The following ATAD1 variants were observed in gnomAD, a reference collection of about 807,000 sequenced individuals.
ATAD1 encodes the protein outer mitochondrial transmembrane helix translocase.
A neutral mutation model predicts 42.7 loss-of-function variants in ATAD1; 18 were observed. The ratio of observed to expected loss-of-function variants is 0.42; its 90% CI spans 0.29 to 0.63. The LOEUF (loss-of-function observed/expected upper bound fraction) is 0.63, where lower values mean the gene tolerates loss of function less well. ATAD1 is among the 20% of genes least tolerant of loss of function. The probability of loss-of-function intolerance (pLI) is 0.19; values close to 1 mark genes in which losing one functional copy is unlikely to be tolerated. For missense variants in ATAD1, 294 were observed against 440.4 expected (o/e 0.67, Z 2.98); for synonymous variants, 132 against 143.1 (o/e 0.92, Z 0.55).
rs1855314066 is a variant in ATAD1 at position 87,776,542 on chromosome 10, C to CA, written c.584-116dup. 3 of 724,538 alleles carry CA rather than the reference C, an allele frequency of 4.1e-6. No homozygotes were observed. The Admixed American group carries it at 7.5e-5, about 18-fold the overall frequency. 44.9% of individuals were successfully genotyped at this position (724,538 alleles called of 1,614,324 possible). ...GGGGTGCAATGGCGCAATTACAGCA[C>CA]ATTGCAACCTCGAACTCCCAGGCTT... On this transcript the variant is annotated intron_variant, in intron 5 of 9. Transcript: ENST00000680024.
chr10:87,758,519 G>T (rs1187315581), intron 8 of ATAD1, among the ~76,000 whole-genome samples: 2 of 151,986 alleles, frequency 1.3e-5, no homozygotes, highest in African/African-American at 2.4e-5. Context: ...GCTGGTAAAA[G>T]ATTTTATACA....
At chr10:87,829,448 G>T (rs1191164260) in intron 1 of ATAD1, among the ~76,000 whole-genome samples, 1 of 151,952 alleles carries the variant, frequency 6.6e-6, no homozygotes, top group African/African-American at 2.4e-5. Flanking sequence ...TAGAGACAGG[G>T]TTTCACCATG....
chr10:87,823,079 A>G (rs1430158666), upstream of ATAD1, among the ~76,000 whole-genome samples: 1 of 151,806 alleles, frequency 6.6e-6, no homozygotes, highest in Admixed American at 6.6e-5. Flanking sequence ...CATTCTGTAA[A>G]AAGAAGAGAA....
At chr10:87,828,124 A>AT (rs373710412) in intron 1 of ATAD1, among the ~76,000 whole-genome samples, 50 of 146,906 alleles carry the variant, frequency 3.4e-4, no homozygotes, top group East Asian at 7.9e-4. Flanking sequence ...AGCCTGGCTA[A>AT]TTTTTTTTTT....
chr10:87,762,125 T>G (rs1854510550), intron 8 of ATAD1, among the ~76,000 whole-genome samples: 1 of 152,172 alleles, frequency 6.6e-6, no homozygotes, highest in South Asian at 2.1e-4. Context: ...GGGCTTAAAT[T>G]TCATCACTTG....
intron 8 of ATAD1, among the ~76,000 whole-genome samples, chr10:87,757,349 T>C (rs949933322): frequency 6.6e-6 from 1 of 152,118 alleles, no homozygotes; most frequent in Non-Finnish European, 1.5e-5. Context: ...AACATGAATT[T>C]AGCACCTATA....
chr10:87,828,088 G>C (rs1253410764), intron 1 of ATAD1, among the ~76,000 whole-genome samples: 1 of 151,860 alleles, frequency 6.6e-6, no homozygotes, highest in Non-Finnish European at 1.5e-5. Flanking sequence ...CTCCCAAGTA[G>C]CTTGTACTAC....
chr10:87,775,420 C>CAAA (rs35200026), intron 6 of ATAD1, among the ~76,000 whole-genome samples: 48 of 23,748 alleles, frequency 2.0e-3, no homozygotes, highest in African/African-American at 2.3e-3. Flanking sequence ...GACTCCATCT[C>CAAA]AAAAAAAAAA....
In ATAD1 at chr10:87,753,264, T is replaced by C. The variant is rs1467180277; in HGVS notation, c.*1423A>G. Reference sequence around the variant, plus strand: ...TAACTTGCTTTTTGTTATCCATTGTTCACCTGAAACTTCCACCCCACCATT... The same window carrying C: ...TAACTTGCTTTTTGTTATCCATTGTCCACCTGAAACTTCCACCCCACCATT... On this transcript the variant is annotated 3_prime_UTR_variant, in exon 10 of 10. Coordinates refer to ENST00000680024, the MANE Select transcript of ATAD1 (RefSeq NM_001321967.2). 6.6e-6 allele frequency: 1 copy of C among 152,168 alleles called. No homozygotes were observed. The highest frequency in any genetic ancestry group is 1.9e-4 in the East Asian group (1 of 5,202). 9.4% of individuals were successfully genotyped at this position (152,168 alleles called of 1,614,324 possible).
At chr10:87,777,286 C>T (rs997489697) in intron 5 of ATAD1, among the ~76,000 whole-genome samples, 3 of 151,618 alleles carry the variant, frequency 2.0e-5, no homozygotes, top group Admixed American at 1.3e-4. Flanking sequence ...TAAATAAAAA[C>T]GACATGGAAA....
At chr10:87,795,208 C>T (rs1315706172) in intron 2 of ATAD1, among the ~76,000 whole-genome samples, 2 of 152,066 alleles carry the variant, frequency 1.3e-5, no homozygotes, top group African/African-American at 4.8e-5. Flanking sequence ...AACACTAATA[C>T]TCTTCATTTG....
In ATAD1 at chr10:87,833,235, A is replaced by T. The variant is rs936239137; in HGVS notation, c.-14+7952T>A. The T allele has an allele frequency of 2.0e-5, 3 of 152,020 alleles. No individual in the cohort carries two copies. In the East Asian group the frequency reaches 5.8e-4, roughly 29 times the overall value. 9.4% of individuals were successfully genotyped at this position (152,020 alleles called of 1,614,324 possible). On this transcript the variant is annotated intron_variant, in intron 1 of 4. Coordinates refer to the ATAD1 transcript ENST00000495903. ...TACCTTAGTATTTCAGTATTTTTGGAGCTATTGTAAATGGTATTGTTTAAA... is the reference window on the plus strand; with the variant it reads ...TACCTTAGTATTTCAGTATTTTTGGTGCTATTGTAAATGGTATTGTTTAAA...
intron 7 of ATAD1, among the ~76,000 whole-genome samples, chr10:87,768,824 C>G (rs896407728): frequency 2.0e-5 from 3 of 152,164 alleles, no homozygotes; most frequent in Non-Finnish European, 4.4e-5. Flanking sequence ...TGGCTCATGC[C>G]AGTAATCCTA....
At chr10:87,789,378 T>G (rs957603610) in intron 4 of ATAD1, among the ~76,000 whole-genome samples, 36 of 152,274 alleles carry the variant, frequency 2.4e-4, no homozygotes, top group Admixed American at 5.9e-4. Flanking sequence ...CACTGTAAAT[T>G]ATTTACACTC....
At chr10:87,773,913 A>C (rs913473896) in intron 6 of ATAD1, among the ~76,000 whole-genome samples, 1 of 152,220 alleles carries the variant, frequency 6.6e-6, no homozygotes, top group Non-Finnish European at 1.5e-5. Flanking sequence ...CAACCTGTAC[A>C]TGAGTCCCAT....
chr10:87,813,197 A>G (rs1466323896), intron 2 of ATAD1, among the ~76,000 whole-genome samples: 1 of 152,140 alleles, frequency 6.6e-6, no homozygotes, highest in Non-Finnish European at 1.5e-5. Flanking sequence ...AAAAGACAAA[A>G]TTATCTTTAA....
intron 2 of ATAD1, among the ~76,000 whole-genome samples, chr10:87,804,308 TG>T (rs1376774674): frequency 7.2e-5 from 11 of 152,168 alleles, no homozygotes; most frequent in Non-Finnish European, 1.6e-4. Context: ...GTATAACTCG[TG>T]TATGAAATCT....
intron 2 of ATAD1, among the ~76,000 whole-genome samples, chr10:87,805,546 A>G (rs895275493): frequency 3.3e-5 from 5 of 152,202 alleles, no homozygotes; most frequent in African/African-American, 9.6e-5. Context: ...CTCATTAAAT[A>G]CTGATCACAT....
Position 87,814,504 on chromosome 10 carries a change from A to G in ATAD1, c.96T>C (p.Phe32=), listed in dbSNP as rs1393442810. The G allele has an allele frequency of 1.2e-6, 2 of 1,611,588 alleles. No homozygotes were observed. The highest frequency in any genetic ancestry group is 1.7e-5 in the Admixed American group (1 of 59,680). The change falls in exon 2 of 10, where the codon TTT becomes TTC. Residue 32 remains phenylalanine, a synonymous_variant. Coordinates refer to ENST00000680024, the MANE Select transcript of ATAD1 (RefSeq NM_001321967.2). ...TTGCATCTACCATCCATTTGATAGT[A>G]AAGTATGTCACTGCACCAAATATTG... The part of the protein sequence containing the change: ...RLTIFGAVTY[F]TIKWMVDAID...
Sources: allele counts gnomAD v4.1 joint callset (sites outside exome capture counted in the v4.1 genomes callset), GRCh38; gene constraint gnomAD v4.1.1; transcripts MANE v1.5; gene names NCBI Gene and HGNC (gene_info 2026-07-23, HGNC 2026-07-21).